ZFR2: variants seen among roughly 807,000 people sequenced by gnomAD.
ZFR2 encodes the protein zinc finger RNA-binding protein 2.
A neutral mutation model predicts 105.7 loss-of-function variants in ZFR2; 104 were observed. The observed-to-expected ratio is 0.98, with a 90% CI of 0.84 to 1.16. The LOEUF (loss-of-function observed/expected upper bound fraction) is 1.16. ZFR2 is among the 50% of genes most tolerant of loss of function. ZFR2 has a pLI of 0.00. For synonymous variants in ZFR2, 634 were observed against 597.7 expected (o/e 1.06, Z -0.89); for missense variants, 1,425 against 1,355.5 (o/e 1.05, Z -0.80).
chr19:3,853,272 C>T (rs903826281), intron 1 of ZFR2, among the ~76,000 whole-genome samples: 3 of 152,156 alleles, frequency 2.0e-5, no homozygotes, highest in East Asian at 3.9e-4. Flanking sequence ...GGGTTCCCAG[C>T]GTGGGCGGTC....
At chr19:3,844,449 C>A (rs2038168387) in intron 1 of ZFR2, among the ~76,000 whole-genome samples, 1 of 151,954 alleles carries the variant, frequency 6.6e-6, no homozygotes, top group Admixed American at 6.6e-5. Flanking sequence ...CTCACTGCAA[C>A]CTCCACCTCC....
At chr19:3,831,637 T>C in intron 4 of ZFR2, 23 bp downstream of exon 4, 2 of 1,524,080 alleles carry the variant, frequency 1.3e-6, no homozygotes, top group Non-Finnish European at 8.8e-7. Context: ...GCAGACCACC[T>C]GGGCAAGGAA....
chr19:3,819,153 A>G lies in ZFR2; in HGVS notation c.1823T>C (p.Leu608Pro). ...GTGGGACACGGCCCTCTGCACGGCC[A>G]GGAGCTCCTGCTCCGTGGGGTAGAT... The part of the protein sequence containing the change: ...ATIYPTEQEL[L>P]AVQRAVSHAE... The change falls in exon 12 of 19, where the codon CTG becomes CCG. Residue 608 changes from leucine (L) to proline (P), a missense_variant. Coordinates refer to ENST00000262961, the MANE Select transcript of ZFR2 (RefSeq NM_015174.2). 2 of 1,606,868 alleles carry G rather than the reference A, an allele frequency of 1.2e-6. No homozygotes were observed. Among genetic ancestry groups the G allele is most frequent in the Non-Finnish European group, 1.7e-6 (2 of 1,178,722 alleles).
chr19:3,843,125 C>G (rs10402358), intron 1 of ZFR2, among the ~76,000 whole-genome samples: 2,390 of 152,322 alleles, frequency 0.016, 58 homozygotes, highest in African/African-American at 0.055. Context: ...CCAATGTTCA[C>G]AGCAGCACTG....
intron 1 of ZFR2, among the ~76,000 whole-genome samples, chr19:3,851,028 C>A (rs1473791086): frequency 6.6e-6 from 1 of 151,600 alleles, no homozygotes; most frequent in African/African-American, 2.4e-5. Context: ...AAACCACCCC[C>A]TGCTGGCACC....
intron 3 of ZFR2, chr19:3,833,391 A>G (rs2038040743): frequency 3.3e-6 from 1 of 305,200 alleles, no homozygotes; most frequent in Non-Finnish European, 6.3e-6. Flanking sequence ...CCTGGCTAAT[A>G]CTGTGAAACC....
rs374447987 is a variant in ZFR2, at chr19:3,813,772, G to A, written c.2242+48C>T. 63 of 1,606,134 alleles carry A rather than the reference G, an allele frequency of 3.9e-5. No homozygotes were observed. Among genetic ancestry groups the A allele is most frequent in the Non-Finnish European group, 5.1e-5 (60 of 1,175,724 alleles). On this transcript the variant is annotated intron_variant, in intron 14 of 18. Coordinates refer to ENST00000262961, the MANE Select transcript of ZFR2 (RefSeq NM_015174.2). The surrounding 1 kb of genome is among the most constrained non-coding windows in gnomAD (Gnocchi z 4.4). ...CAGGCCTGGGTGTGGGGAGCGCCCT[G>A]GGGAAGCGTGAGGGGGACAGTGGTT...
intron 1 of ZFR2, among the ~76,000 whole-genome samples, chr19:3,848,332 A>G (rs2038203583): frequency 6.6e-6 from 1 of 151,172 alleles, no homozygotes; most frequent in Admixed American, 6.6e-5. Context: ...GGATCGCTTG[A>G]ATGGGGGAGG....
At chr19:3,832,633 T>TC in intron 3 of ZFR2, among the ~76,000 whole-genome samples, 2 of 148,190 alleles carry the variant, frequency 1.3e-5, no homozygotes, top group African/African-American at 5.0e-5. Context: ...ATTTTGTTTT[T>TC]TTTTTTTATT....
intron 17 of ZFR2, among the ~76,000 whole-genome samples, chr19:3,808,044 C>A (rs944540550): frequency 8.2e-6 from 1 of 121,246 alleles, no homozygotes; most frequent in Admixed American, 8.3e-5. Flanking sequence ...TCCTTGTGTG[C>A]CCGTGCGTGT....
intron 1 of ZFR2, among the ~76,000 whole-genome samples, chr19:3,867,069 C>T (rs1171032949): frequency 1.3e-5 from 2 of 152,096 alleles, no homozygotes; most frequent in African/African-American, 4.8e-5. Context: ...TCGGCACTGC[C>T]GCTCCACCGC....
intron 3 of ZFR2, among the ~76,000 whole-genome samples, chr19:3,833,351 C>T (rs141445132): frequency 3.3e-5 from 5 of 151,644 alleles, no homozygotes; most frequent in East Asian, 1.9e-4. Context: ...CCAAGGCGGG[C>T]GGATCACGAG....
chr19:3,839,596 G>A (rs1240426869), intron 1 of ZFR2, among the ~76,000 whole-genome samples: 1 of 129,824 alleles, frequency 7.7e-6, no homozygotes, highest in Non-Finnish European at 1.6e-5. Flanking sequence ...GCAGTGATCA[G>A]TAGCTCTCTT....
At position 3,813,824 on chromosome 19, in the gene ZFR2, G is replaced by C; in HGVS notation, c.2238C>G (p.Asp746Glu). ...SPLMREDPST[D>E]PGVEEPQADA... The stretch of plus-strand genomic sequence containing the variant: ...GAAGGAAGGGCTGGGCCGCACCTGG[G>C]TCTGTGGAGGGGTCCTCCCGCATCA... The change falls in exon 14 of 19, where the codon GAC (aspartate) becomes GAG (glutamate). Residue 746 changes from aspartate (D) to glutamate (E), a missense_variant. By Grantham distance (45) the Asp-to-Glu change is conservative (BLOSUM62 2). Transcript: ENST00000262961. The surrounding 1 kb of genome is among the most constrained non-coding windows in gnomAD (Gnocchi z 4.4). 6.2e-7 allele frequency: 1 copy of C among 1,613,780 alleles called. No individual in the cohort carries two copies. Among genetic ancestry groups the C allele is most frequent in the Admixed American group, 1.7e-5 (1 of 60,010 alleles).
Position 3,822,062 on chromosome 19 carries a change from CT to C in ZFR2, c.1491+18del, listed in dbSNP as rs764502568. 3.2e-6 allele frequency: 5 copies of C among 1,580,910 alleles called. No homozygotes were observed. In the African/African-American group the frequency reaches 6.8e-5, roughly 21 times the overall value. ...AGCACAGCCCGGACGGGTGTCGGAGCTCCCCCTGCTGGACGCACCCGGTACT... is the reference window on the plus strand; with the variant it reads ...AGCACAGCCCGGACGGGTGTCGGAGCCCCCCTGCTGGACGCACCCGGTACT... On this transcript the variant is annotated intron_variant, in intron 9 of 18. Coordinates refer to ENST00000262961, the MANE Select transcript of ZFR2 (RefSeq NM_015174.2).
chr19:3,832,483 G>A (rs921875935), intron 3 of ZFR2, among the ~76,000 whole-genome samples: 10 of 151,744 alleles, frequency 6.6e-5, no homozygotes, highest in African/African-American at 2.2e-4. Flanking sequence ...CACCCTGCCC[G>A]GCTAATTTTT....
rs1391853568 is a variant in ZFR2, at chr19:3,858,191, C to T, written c.53+10774G>A. ...GATGGAATGGGCCCATCTGAGCTGC[C>T]CACGTCACCTGGCCCAGAGCTCTTT... On this transcript the variant is annotated intron_variant, in intron 1 of 18. Coordinates refer to ENST00000262961, the MANE Select transcript of ZFR2 (RefSeq NM_015174.2). This position sits in a 1 kb window ranked among gnomAD's most constrained non-coding sequence, Gnocchi z 4.3. 1.3e-5 allele frequency among the ~76,000 whole-genome samples: 2 copies of T among 152,152 alleles called. No homozygotes were observed. The highest frequency in any genetic ancestry group is 2.9e-5 in the Non-Finnish European group (2 of 68,038).
intron 1 of ZFR2, among the ~76,000 whole-genome samples, chr19:3,863,823 C>T (rs529899544): frequency 1.1e-4 from 17 of 152,290 alleles, no homozygotes; most frequent in Admixed American, 9.2e-4. Flanking sequence ...CATTCCTAGC[C>T]GGGCCGACCA....
chr19:3,864,086 T>A (rs2038403460), intron 1 of ZFR2, among the ~76,000 whole-genome samples: 2 of 152,120 alleles, frequency 1.3e-5, no homozygotes, highest in African/African-American at 2.4e-5. Flanking sequence ...TTATAATGTA[T>A]GCTAATAGTG....
Sources: gnomAD v4.1 joint callset for allele counts (sites outside exome capture counted in the v4.1 genomes callset) on GRCh38, gnomAD v4.1.1 for gene constraint, Gnocchi (gnomAD v3.1) non-coding constraint, MANE v1.5 for transcripts, NCBI Gene and HGNC (gene_info 2026-07-23, HGNC 2026-07-21) for gene names.